Variants in TNNC2 observed in about 807,000 individuals in gnomAD.
The protein encoded by TNNC2 is troponin C, skeletal muscle.
A neutral mutation model predicts 20.0 loss-of-function variants in TNNC2; 14 were observed. That is an observed-to-expected ratio of 0.70 (90% CI 0.46 to 1.09). The LOEUF (loss-of-function observed/expected upper bound fraction) is 1.09, where lower values mean the gene tolerates loss of function less well. Ranked by LOEUF, TNNC2 falls within the 50% of genes least tolerant of loss-of-function variation. The pLI is 0.00. For synonymous variants in TNNC2, 81 were observed against 77.3 expected (o/e 1.05, Z -0.25); for missense variants, 163 against 223.8 (o/e 0.73, Z 1.73).
upstream of TNNC2, among the ~76,000 whole-genome samples, chr20:45,830,335 CAAAAAAAAAAAA>C (rs781603612): frequency 3.7e-5 from 2 of 54,194 alleles, no homozygotes; most frequent in Middle Eastern, 9.6e-3. Flanking sequence ...GACTGCATCT[CAAAAAAAAAAAA>C]AAAAAAAAAA....
upstream of TNNC2, among the ~76,000 whole-genome samples, chr20:45,829,973 C>A (rs972122031): frequency 6.6e-6 from 1 of 151,736 alleles, no homozygotes; most frequent in African/African-American, 2.4e-5. Context: ...AAGCAAGGTC[C>A]CATTGGCCCT....
At chr20:45,827,693 T>C (rs530443643), upstream of TNNC2, among the ~76,000 whole-genome samples, 1 of 152,310 alleles carries the variant, frequency 6.6e-6, no homozygotes, top group South Asian at 2.1e-4. Flanking sequence ...GGCCAGCCTC[T>C]GCGAGTTGTG....
Position 45,827,294 on chromosome 20 carries a change from CA to C in TNNC2, c.-47del. On this transcript the variant is annotated 5_prime_UTR_variant, in exon 1 of 6. Coordinates refer to ENST00000372555, the MANE Select transcript of TNNC2 (RefSeq NM_003279.3). ...CCTCTGTTGCAGGTCGCCTCCTTTG[CA>C]CTCCACCACCCAAAGATGACCTGGC... 6.2e-7 allele frequency: 1 copy of C among 1,613,858 alleles called. No homozygotes were observed. Among genetic ancestry groups the C allele is most frequent in the Non-Finnish European group, 8.5e-7 (1 of 1,179,858 alleles).
upstream of TNNC2, among the ~76,000 whole-genome samples, chr20:45,828,591 G>A (rs1015123591): frequency 1.3e-5 from 2 of 152,160 alleles, no homozygotes; most frequent in African/African-American, 4.8e-5. Context: ...AGGACAGCTG[G>A]CCCCTTCCTA....
At chr20:45,825,571 C>T (rs1353824124) in intron 1 of TNNC2, among the ~76,000 whole-genome samples, 1 of 152,002 alleles carries the variant, frequency 6.6e-6, no homozygotes, top group Non-Finnish European at 1.5e-5. Context: ...GGATTACAGG[C>T]GTGAGCCACC....
At chr20:45,830,335 C>CAAAAA (rs781603612), upstream of TNNC2, among the ~76,000 whole-genome samples, 7 of 54,138 alleles carry the variant, frequency 1.3e-4, no homozygotes, top group South Asian at 6.8e-4. Context: ...GACTGCATCT[C>CAAAAA]AAAAAAAAAA....
At position 45,824,475 on chromosome 20, in the gene TNNC2, T is replaced by A; in HGVS notation, c.199+20A>T. On this transcript the variant is annotated intron_variant, in intron 3 of 5. Transcript: ENST00000372555. ...CCGCCTCTCCCCACCATCCCCTGCC[T>A]CCGAGGGACACCCGCTCACCGTCCT... The A allele has an allele frequency of 6.2e-7, 1 of 1,612,966 alleles. No individual in the cohort carries two copies. Among genetic ancestry groups the A allele is most frequent in the Middle Eastern group, 1.6e-4 (1 of 6,062 alleles).
In TNNC2 at chr20:45,824,495, C is replaced by T. The variant is rs1982907282; in HGVS notation, c.199G>A (p.Gly67Ser). ...CTGCCTCCGAGGGACACCCGCTCAC[C>T]GTCCTCATCCACCTCCTCGATGATG... ...DAIIEEVDED[G>S]SGTIDFEEFL... The change falls in exon 3 of 6, where the codon GGC becomes AGC. Residue 67 changes from glycine (G) to serine (S), a missense_variant and splice_region_variant. By Grantham distance (56) the Gly-to-Ser change is moderately conservative. Transcript: ENST00000372555. 6.2e-7 allele frequency: 1 copy of T among 1,613,582 alleles called. No individual in the cohort carries two copies. The highest frequency in any genetic ancestry group is 8.5e-7 in the Non-Finnish European group (1 of 1,180,008).
Position 45,824,335 on chromosome 20 carries a change from TC to T in TNNC2, c.270del (p.Lys91ArgfsTer37). 1 of 1,611,214 alleles carries T rather than the reference TC, an allele frequency of 6.2e-7. No individual in the cohort carries two copies. The highest frequency in any genetic ancestry group is 8.5e-7 in the Non-Finnish European group (1 of 1,179,972). ...CACTCGGCCAGCTCCTCCTCGCTCTTCCCTTTCGCGTCCTCTTTCATCTGGC... is the reference window on the plus strand; with the variant it reads ...CACTCGGCCAGCTCCTCCTCGCTCTTCCTTTCGCGTCCTCTTTCATCTGGC... Reference protein sequence around the residue: ...MVRQMKEDAKGKSEEELAECF... With the variant: ...MVRQMKEDAKXKSEEELAECF... On this transcript the variant is annotated frameshift_variant, in exon 4 of 6. Coordinates refer to ENST00000372555, the MANE Select transcript of TNNC2 (RefSeq NM_003279.3). LOFTEE classifies it high-confidence loss of function.
upstream of TNNC2, among the ~76,000 whole-genome samples, chr20:45,830,816 T>A (rs1314189245): frequency 1.3e-5 from 2 of 152,162 alleles, no homozygotes; most frequent in South Asian, 2.1e-4. Context: ...AGGAGCTAGA[T>A]GACCATTTCT....
intron 2 of TNNC2, among the ~76,000 whole-genome samples, chr20:45,832,341 A>C (rs1018733716): frequency 2.6e-5 from 4 of 152,048 alleles, no homozygotes; most frequent in African/African-American, 9.7e-5. Flanking sequence ...AAATAAATAA[A>C]ATTGCACAAA....
At chr20:45,827,200 A>G in intron 1 of TNNC2, 46 bp downstream of exon 1, 1 of 1,613,936 alleles carries the variant, frequency 6.2e-7, no homozygotes, top group Middle Eastern at 1.7e-4. Flanking sequence ...AAAGGGGTCC[A>G]GAGTGCTCCC....
chr20:45,825,939 A>G (rs546920466), intron 1 of TNNC2, among the ~76,000 whole-genome samples: 1 of 152,300 alleles, frequency 6.6e-6, no homozygotes, highest in African/African-American at 2.4e-5. Flanking sequence ...AGTTTTGAGC[A>G]AAAGAGAGGA....
At chr20:45,828,816 TG>T (rs1181590490), upstream of TNNC2, among the ~76,000 whole-genome samples, 4 of 152,280 alleles carry the variant, frequency 2.6e-5, no homozygotes, top group African/African-American at 9.6e-5. Flanking sequence ...GGAATGCAGA[TG>T]GACAGTGGCA....
rs1459488450 is a variant in TNNC2, at chr20:45,824,650, G to A, written c.56-12C>T. ...GGCAGCCTTGAACTCTGCGAGGGAG[G>A]GCAGAGGGCAGAGGTGAGGCCTGCT... On this transcript the variant is annotated splice_polypyrimidine_tract_variant and intron_variant, in intron 2 of 5. Coordinates refer to ENST00000372555, the MANE Select transcript of TNNC2 (RefSeq NM_003279.3). 2 of 1,607,420 alleles carry A rather than the reference G, an allele frequency of 1.2e-6. No individual in the cohort carries two copies. Among genetic ancestry groups the A allele is most frequent in the Non-Finnish European group, 1.7e-6 (2 of 1,179,232 alleles).
intron 2 of TNNC2, 35 bp downstream of exon 2, chr20:45,824,748 T>C (rs1227072857): frequency 9.2e-7 from 1 of 1,089,638 alleles, no homozygotes; most frequent in South Asian, 1.2e-5. Flanking sequence ...CCAGCATACA[T>C]CCACCCAGCC....
chr20:45,824,162 CG>C (rs751032618), intron 4 of TNNC2, 35 bp from the exon 5 acceptor site: 20 of 1,608,978 alleles, frequency 1.2e-5, no homozygotes, highest in Non-Finnish European at 1.7e-5. Flanking sequence ...GGCTCAGGGC[CG>C]GGGCGAGCTG....
intron 1 of TNNC2, 134 bp from the exon 2 acceptor site, chr20:45,824,968 A>G (rs1982930249): frequency 5.2e-6 from 5 of 959,890 alleles, no homozygotes. Context: ...AACTTGTCAC[A>G]TAATTGTGTG....
chr20:45,827,567 C>G (rs1339300194), upstream of TNNC2, among the ~76,000 whole-genome samples: 1 of 152,176 alleles, frequency 6.6e-6, no homozygotes, highest in African/African-American at 2.4e-5. Context: ...GGAGTCCCCC[C>G]GACCGAGGAA....
Sources: gnomAD v4.1 joint callset for allele counts (sites outside exome capture counted in the v4.1 genomes callset) on GRCh38, gnomAD v4.1.1 for gene constraint, MANE v1.5 for transcripts, NCBI Gene and HGNC (gene_info 2026-07-23, HGNC 2026-07-21) for gene names.